GRIA3: variants seen among roughly 807,000 people sequenced by gnomAD.
The protein encoded by GRIA3 is glutamate ionotropic receptor AMPA type subunit 3, also known as glutamate receptor 3.
In GRIA3, 3 loss-of-function variants were observed where a neutral mutation model predicts 63.0. The observed-to-expected ratio is 0.05, with a 90% CI of 0.02 to 0.12. GRIA3 has a LOEUF of 0.12. GRIA3 is among the 10% of genes least tolerant of loss of function. The pLI is 1.00. For missense variants in GRIA3, 347 were observed against 700.9 expected (o/e 0.50, Z 5.70); for synonymous variants, 274 against 257.9 (o/e 1.06, Z -0.60).
At chrX:123,426,313 C>T (rs994134132) in intron 11 of GRIA3, among the ~76,000 whole-genome samples, 6 of 111,821 alleles carry the variant, frequency 5.4e-5, no homozygotes, top group Non-Finnish European at 1.1e-4. Context: ...GAGTACAAGC[C>T]ATTACCCATC....
intron 3 of GRIA3, among the ~76,000 whole-genome samples, chrX:123,325,012 T>A (rs2044892061): frequency 8.9e-6 from 1 of 111,872 alleles, no homozygotes; most frequent in Non-Finnish European, 1.9e-5. Context: ...TATCACCCAC[T>A]CCCATTAGTC....
chrX:123,222,114 C>A (rs759061795), intron 2 of GRIA3, among the ~76,000 whole-genome samples: 6 of 111,570 alleles, frequency 5.4e-5, no homozygotes, highest in Admixed American at 9.5e-5. Context: ...CAAAGCTAAC[C>A]TACCTTCCCA....
chrX:123,279,596 G>T (rs2044573858), intron 3 of GRIA3, among the ~76,000 whole-genome samples: 1 of 111,789 alleles, frequency 8.9e-6, no homozygotes, highest in Non-Finnish European at 1.9e-5. Flanking sequence ...GGAAATAGAA[G>T]TTTCAAAACA....
intron 5 of GRIA3, among the ~76,000 whole-genome samples, chrX:123,369,688 C>T (rs1192040542): frequency 1.8e-5 from 2 of 112,579 alleles, no homozygotes; most frequent in South Asian, 3.7e-4. Context: ...TGTCTCCGAA[C>T]TTCCTTCTTT....
At chrX:123,444,033 T>G (rs754160430) in intron 12 of GRIA3, among the ~76,000 whole-genome samples, 2 of 111,371 alleles carry the variant, frequency 1.8e-5, no homozygotes, top group Non-Finnish European at 3.8e-5. Flanking sequence ...GGTTGGAAGC[T>G]ATGGGCAAGA....
chrX:123,298,584 C>T (rs1569415987), intron 3 of GRIA3, among the ~76,000 whole-genome samples: 1 of 109,104 alleles, frequency 9.2e-6, no homozygotes, highest in African/African-American at 3.3e-5. Context: ...GGGTCGTTTG[C>T]TTTTTCTTGT....
intron 2 of GRIA3, among the ~76,000 whole-genome samples, chrX:123,251,359 G>T (rs1332650644): frequency 2.7e-5 from 3 of 111,974 alleles, no homozygotes; most frequent in Non-Finnish European, 5.6e-5. Flanking sequence ...TTTTGTTTCT[G>T]AGTATTGTAC....
chrX:123,365,421 C>A (rs989646468), intron 5 of GRIA3, among the ~76,000 whole-genome samples: 1 of 111,303 alleles, frequency 9.0e-6, no homozygotes, highest in Non-Finnish European at 1.9e-5. Context: ...AGCATGAGGT[C>A]TGTTGAAGGA....
intron 5 of GRIA3, 58 bp from the exon 6 acceptor site, chrX:123,394,910 T>C: frequency 1.2e-6 from 1 of 841,214 alleles, no homozygotes; most frequent in Non-Finnish European, 1.8e-6. Context: ...CTCTAACAGA[T>C]ATGGTGAGTA....
At chrX:123,296,849 G>T (rs2044689424) in intron 3 of GRIA3, among the ~76,000 whole-genome samples, 1 of 111,226 alleles carries the variant, frequency 9.0e-6, no homozygotes, top group Non-Finnish European at 1.9e-5. Flanking sequence ...TTTGCATGTA[G>T]CAGGGTTTTA....
rs181165309 is a variant in GRIA3, at chrX:123,358,970, T to G, written c.750+4007T>G. On this transcript the variant is annotated intron_variant, in intron 5 of 15. Coordinates refer to ENST00000620443, the MANE Select transcript of GRIA3 (RefSeq NM_007325.5). ...AGGAGGCAGTGTGGTATAATAATAA[T>G]AAGAAGAAAAAAAAGCACGAGGCTA... Among the ~76,000 whole-genome samples, 193 of 110,970 alleles carry G rather than the reference T, an allele frequency of 1.7e-3. 1 individual carries two copies. The highest frequency in any genetic ancestry group is 3.3e-3 in the African/African-American group (100 of 30,577).
At chrX:123,337,086 G>A (rs1197294509) in intron 4 of GRIA3, among the ~76,000 whole-genome samples, 4 of 112,105 alleles carry the variant, frequency 3.6e-5, no homozygotes, top group African/African-American at 1.3e-4. Context: ...CTGATCTGGT[G>A]GAGTCAGAGA....
intron 5 of GRIA3, among the ~76,000 whole-genome samples, chrX:123,372,781 A>C (rs762113854): frequency 8.9e-6 from 1 of 111,789 alleles, no homozygotes; most frequent in South Asian, 3.7e-4. Flanking sequence ...TGAAGTCATT[A>C]GATTTTTCCA....
intron 12 of GRIA3, among the ~76,000 whole-genome samples, chrX:123,464,637 G>A (rs917744519): frequency 1.8e-5 from 2 of 111,569 alleles, no homozygotes; most frequent in Non-Finnish European, 3.8e-5. Context: ...AAATGAATTA[G>A]AATAGAATAG....
chrX:123,390,925 C>T (rs2045383326), intron 5 of GRIA3, among the ~76,000 whole-genome samples: 1 of 110,737 alleles, frequency 9.0e-6, no homozygotes, highest in African/African-American at 3.3e-5. Flanking sequence ...AGTGTTGAAT[C>T]TTTCAAATGT....
chrX:123,361,384 C>T (rs2045173384), intron 5 of GRIA3: 1 of 111,768 alleles, frequency 8.9e-6, no homozygotes, highest in Non-Finnish European at 1.9e-5. Flanking sequence ...GCTCACTGGG[C>T]TGGAGCCTGG....
intron 2 of GRIA3, among the ~76,000 whole-genome samples, chrX:123,198,721 A>G (rs1467146492): frequency 8.9e-6 from 1 of 112,121 alleles, no homozygotes; most frequent in Admixed American, 9.4e-5. Flanking sequence ...TCATGCCACC[A>G]TTAAGTGGAA....
intron 12 of GRIA3, among the ~76,000 whole-genome samples, chrX:123,447,170 G>T (rs2045706754): frequency 9.0e-6 from 1 of 111,634 alleles, no homozygotes; most frequent in Non-Finnish European, 1.9e-5. Context: ...ATCACTTGAG[G>T]TTAGGAGTTT....
chrX:123,475,447 A>G (rs1467272666), intron 13 of GRIA3, among the ~76,000 whole-genome samples: 3 of 111,945 alleles, frequency 2.7e-5, no homozygotes, highest in Non-Finnish European at 5.6e-5. Flanking sequence ...CCATGAAATT[A>G]TGTCACAAAG....
Sources: allele counts gnomAD v4.1 joint callset (sites outside exome capture counted in the v4.1 genomes callset), GRCh38; gene constraint gnomAD v4.1.1; transcripts MANE v1.5; gene names NCBI Gene and HGNC (gene_info 2026-07-23, HGNC 2026-07-21).